Variants in PRKN observed in about 807,000 individuals in gnomAD.
The protein encoded by PRKN is parkin RBR E3 ubiquitin protein ligase, also known as E3 ubiquitin-protein ligase parkin.
In PRKN, 56 loss-of-function variants were observed where a neutral mutation model predicts 59.5. That is an observed-to-expected ratio of 0.94 (90% CI 0.76 to 1.18). The LOEUF is 1.18. Ranked by LOEUF, PRKN falls within the 50% of genes most tolerant of loss-of-function variation. The probability of loss-of-function intolerance (pLI) is 0.00; values close to 1 mark genes in which losing one functional copy is unlikely to be tolerated. For missense variants in PRKN, 657 were observed against 596.4 expected, an observed-to-expected ratio of 1.10 and a Z score of -1.06; for synonymous variants, 250 against 222.1, an observed-to-expected ratio of 1.13 and a Z score of -1.12.
At chr6:161,427,712 C>A (rs117868418) in intron 9 of PRKN, among the ~76,000 whole-genome samples, 1 of 152,196 alleles carries the variant, frequency 6.6e-6, no homozygotes, top group African/African-American at 2.4e-5. Context: ...TAGGCCTTTG[C>A]TGAGGTTGGA....
At chr6:161,746,761 ATATAGATAT>A (rs1562651594) in intron 7 of PRKN, among the ~76,000 whole-genome samples, 12 of 146,790 alleles carry the variant, frequency 8.2e-5, no homozygotes, top group Non-Finnish European at 1.2e-4. Context: ...ATATATATCT[ATATAGATAT>A]ATATGTCTAT....
At chr6:162,719,460 G>C (rs1364262979) in intron 1 of PRKN, among the ~76,000 whole-genome samples, 1 of 151,982 alleles carries the variant, frequency 6.6e-6, no homozygotes, top group African/African-American at 2.4e-5. Flanking sequence ...TCTTAAATCT[G>C]TCTAATTCTC....
intron 1 of PRKN, among the ~76,000 whole-genome samples, chr6:162,505,889 G>A (rs1280784478): frequency 6.6e-6 from 1 of 152,168 alleles, no homozygotes; most frequent in East Asian, 1.9e-4. Flanking sequence ...CAAGCATACT[G>A]GCACAGCCAA....
chr6:162,230,109 A>T (rs1778359447), intron 3 of PRKN, among the ~76,000 whole-genome samples: 1 of 152,230 alleles, frequency 6.6e-6, no homozygotes, highest in Admixed American at 6.5e-5. Context: ...AGGTAAACTG[A>T]AGTGCAAATA....
At chr6:162,054,272 T>C (rs1189832739) in intron 4 of PRKN, 98 bp from the exon 5 acceptor site, 1 of 817,264 alleles carries the variant, frequency 1.2e-6, no homozygotes, top group Non-Finnish European at 2.1e-6. Flanking sequence ...ATAGTGAAAT[T>C]AGTGTGTAGT....
intron 7 of PRKN, among the ~76,000 whole-genome samples, chr6:161,610,425 T>C (rs112699784): frequency 0.026 from 3,891 of 151,612 alleles, 123 homozygotes; most frequent in African/African-American, 0.077. Context: ...GACCCACTTA[T>C]TTATTAATTT....
intron 1 of PRKN, among the ~76,000 whole-genome samples, chr6:162,598,767 T>C (rs2846544): frequency 0.91 from 137,337 of 151,212 alleles, 62,572 homozygotes; most frequent in South Asian, 0.97. Flanking sequence ...GCATGAGAAT[T>C]GCTTGACCCG....
chr6:161,664,299 G>T (rs1020083240), intron 7 of PRKN, among the ~76,000 whole-genome samples: 2 of 152,182 alleles, frequency 1.3e-5, no homozygotes, highest in Non-Finnish European at 2.9e-5. Flanking sequence ...CACAGCAAAA[G>T]AAATAGAGGG....
At chr6:162,521,952 C>T (rs547264305) in intron 1 of PRKN, among the ~76,000 whole-genome samples, 4 of 152,048 alleles carry the variant, frequency 2.6e-5, no homozygotes, top group African/African-American at 7.2e-5. Flanking sequence ...GGAGGTTTGA[C>T]GCAATGGAAT....
chr6:161,836,155 G>C (rs554020535), intron 6 of PRKN, among the ~76,000 whole-genome samples: 1 of 152,258 alleles, frequency 6.6e-6, no homozygotes, highest in South Asian at 2.1e-4. Flanking sequence ...CTTTGGGGGT[G>C]CTAAATCTGT....
rs979629558 is a variant in PRKN, at chr6:161,463,944, G to T, written c.1084-77067C>A. Among the ~76,000 whole-genome samples, 1 of 151,880 alleles carries T rather than the reference G, an allele frequency of 6.6e-6. No homozygotes were observed. Among genetic ancestry groups the T allele is most frequent in the Non-Finnish European group, 1.5e-5 (1 of 67,970 alleles). On this transcript the variant is annotated intron_variant, in intron 9 of 11. Transcript: ENST00000366898. The surrounding 1 kb of genome is among the most constrained non-coding windows in gnomAD (Gnocchi z 4.8). ...GACATCAACATACAGAGACCTTTAG[G>T]GTTTTTTTTGTTTTTGTTTTTGTTT...
chr6:161,567,658 T>C (rs1206532344), intron 8 of PRKN, among the ~76,000 whole-genome samples: 5 of 152,180 alleles, frequency 3.3e-5, no homozygotes, highest in African/African-American at 1.2e-4. Flanking sequence ...ATCGTAGTGA[T>C]ATTAATTTTG....
chr6:162,121,669 G>A (rs1339973303), intron 4 of PRKN, among the ~76,000 whole-genome samples: 6 of 152,048 alleles, frequency 3.9e-5, no homozygotes, highest in African/African-American at 1.5e-4. Flanking sequence ...TTAGCTGCTG[G>A]GTCCTGATAC....
chr6:161,699,131 G>C lies in PRKN; in HGVS notation c.871+86641C>G, dbSNP rs138383647. Among the ~76,000 whole-genome samples the C allele has an allele frequency of 1.9e-3, 288 of 152,204 alleles. 1 individual carries two copies. Among genetic ancestry groups the C allele is most frequent in the African/African-American group, 6.7e-3 (278 of 41,558 alleles). ...GTGGCAAATGAGCACATGAAAAGAG[G>C]CTCAACATCGTTAGTCATTAAGAGA... On this transcript the variant is annotated intron_variant, in intron 7 of 11. Coordinates refer to ENST00000366898, the MANE Select transcript of PRKN (RefSeq NM_004562.3).
At chr6:161,938,936 T>G (rs955620928) in intron 6 of PRKN, among the ~76,000 whole-genome samples, 6 of 152,222 alleles carry the variant, frequency 3.9e-5, no homozygotes, top group African/African-American at 9.6e-5. Flanking sequence ...CTGACTAGTT[T>G]CCTCAAAATT....
At chr6:161,917,127 A>T (rs1482283824) in intron 6 of PRKN, among the ~76,000 whole-genome samples, 1 of 151,054 alleles carries the variant, frequency 6.6e-6, no homozygotes, top group East Asian at 2.0e-4. Context: ...TTTTTTTGAG[A>T]TAGAGTCTCA....
chr6:161,439,961 T>C (rs1169279959), intron 9 of PRKN, among the ~76,000 whole-genome samples: 1 of 148,754 alleles, frequency 6.7e-6, no homozygotes, highest in Non-Finnish European at 1.5e-5. Context: ...GTTTTTTGTT[T>C]TTTTTTTTTG....
intron 2 of PRKN, among the ~76,000 whole-genome samples, chr6:162,307,662 T>C (rs1317777257): frequency 6.6e-6 from 1 of 152,158 alleles, no homozygotes; most frequent in South Asian, 2.1e-4. Flanking sequence ...TATTGCATGC[T>C]AATACAATGG....
intron 4 of PRKN, among the ~76,000 whole-genome samples, chr6:162,163,317 T>C (rs1227855404): frequency 6.7e-6 from 1 of 149,566 alleles, no homozygotes; most frequent in Non-Finnish European, 1.5e-5. Flanking sequence ...TAAAGAATGC[T>C]GGTCCTCACT....
Sources: allele counts gnomAD v4.1 joint callset (sites outside exome capture counted in the v4.1 genomes callset), GRCh38; gene constraint gnomAD v4.1.1; non-coding constraint Gnocchi (gnomAD v3.1); transcripts MANE v1.5; gene names NCBI Gene and HGNC (gene_info 2026-07-23, HGNC 2026-07-21).